The following EHD3 variants were observed in gnomAD, a reference collection of about 807,000 sequenced individuals.
EHD3 encodes the protein EH domain containing 3, also known as EH domain-containing protein 3.
EHD3 carries 17 observed loss-of-function variants against 43.0 expected under a neutral mutation model. The ratio of observed to expected loss-of-function variants is 0.40; its 90% CI spans 0.27 to 0.59. EHD3 has a LOEUF of 0.59. Among genes scored for constraint, EHD3 ranks in the 20% least tolerant of loss-of-function variants. EHD3 has a pLI of 0.49. For missense variants in EHD3, 594 were observed against 705.6 expected (o/e 0.84, Z 1.79); for synonymous variants, 313 against 289.5 (o/e 1.08, Z -0.82).
intron 1 of EHD3, among the ~76,000 whole-genome samples, chr2:31,243,436 C>T (rs1409749522): frequency 7.8e-5 from 7 of 90,244 alleles, no homozygotes; most frequent in African/African-American, 2.0e-4. Flanking sequence ...TTCTTTCTTT[C>T]TTTCTTTCTT....
chr2:31,234,461 G>A lies in EHD3; in HGVS notation c.-161G>A, dbSNP rs916402978. 41 of 736,078 alleles carry A rather than the reference G, an allele frequency of 5.6e-5. No homozygotes were observed. In the African/African-American group the frequency reaches 6.0e-4, roughly 11 times the overall value. 45.6% of individuals were successfully genotyped at this position (736,078 alleles called of 1,614,324 possible). A position where few individuals can be genotyped will look rare whatever the true frequency, so the allele number is the denominator to read the frequency against. On this transcript the variant is annotated 5_prime_UTR_variant, in exon 1 of 6. Coordinates refer to ENST00000322054, the MANE Select transcript of EHD3 (RefSeq NM_014600.3). ...CCAGGAGCAGGGAGAGTGCGCTCCC[G>A]GCCCTCCTAGCCGCGTGCCCGGGCC...
At chr2:31,261,452 A>T in intron 4 of EHD3, 97 bp from the exon 5 acceptor site, 1 of 1,388,242 alleles carries the variant, frequency 7.2e-7, no homozygotes, top group South Asian at 1.3e-5. Context: ...AGGAGGCGGG[A>T]GGGATGTAGG....
intron 2 of EHD3, among the ~76,000 whole-genome samples, chr2:31,248,211 C>T (rs1172463292): frequency 6.6e-6 from 1 of 152,228 alleles, no homozygotes; most frequent in Non-Finnish European, 1.5e-5. Context: ...GTCTGCTCCC[C>T]TTCCCTCGCT....
At chr2:31,251,893 T>A (rs748365744) in intron 3 of EHD3, among the ~76,000 whole-genome samples, 2 of 152,186 alleles carry the variant, frequency 1.3e-5, no homozygotes, top group Non-Finnish European at 2.9e-5. Context: ...AAGTGGTTCA[T>A]CTGGGGTTTA....
rs998324078 is a variant in EHD3, at chr2:31,234,348, C to A, written c.-274C>A. ...TTCCTTGCAGGTTCAACTTTAATTG[C>A]CAAGATTTCACCCCTCCTCCTCAAG... On this transcript the variant is annotated 5_prime_UTR_variant, in exon 1 of 6. Transcript: ENST00000322054. The A allele has an allele frequency of 2.1e-6, 1 of 467,452 alleles. No homozygotes were observed. Among genetic ancestry groups the A allele is most frequent in the South Asian group, 2.2e-5 (1 of 45,478 alleles). The allele number at this position is 467,452 out of a possible 1,614,324, so 29.0% of individuals were successfully genotyped here.
At chr2:31,246,277 T>A (rs772361553) in intron 2 of EHD3, among the ~76,000 whole-genome samples, 1 of 151,828 alleles carries the variant, frequency 6.6e-6, no homozygotes, top group Non-Finnish European at 1.5e-5. Flanking sequence ...GGGGGTGGGA[T>A]GAGCATGATT....
At chr2:31,255,538 C>G (rs1022541717) in intron 3 of EHD3, among the ~76,000 whole-genome samples, 1 of 152,192 alleles carries the variant, frequency 6.6e-6, no homozygotes, top group South Asian at 2.1e-4. Flanking sequence ...AATCCTATAC[C>G]ATACCCTTTT....
rs78499682 is a variant in EHD3 at position 31,254,626 on chromosome 2, T to A, written c.502+5158T>A. ...AAATGCCTTTAAATCTTGACGGAGA[T>A]TTTTTTGGGGAGGGATGGGGTTTTG... On this transcript the variant is annotated intron_variant, in intron 3 of 5. Coordinates refer to ENST00000322054, the MANE Select transcript of EHD3 (RefSeq NM_014600.3). 3.3e-3 allele frequency among the ~76,000 whole-genome samples: 503 copies of A among 152,318 alleles called. 15 individuals are homozygous for A. The East Asian group carries it at 0.051, about 15-fold the overall frequency.
rs575982595 is a variant in EHD3 at position 31,249,236 on chromosome 2, C to A, written c.405-135C>A. On this transcript the variant is annotated intron_variant, in intron 2 of 5. Transcript: ENST00000322054. ...GCTGTCAGCCACACCCTGAACTGGG[C>A]AAGTCCATGGTGAACTAAACCCTTC... The A allele has an allele frequency of 6.7e-6, 5 of 749,214 alleles. No individual in the cohort carries two copies. In the East Asian group the frequency reaches 1.4e-4, roughly 20 times the overall value. The allele number at this position is 749,214 out of a possible 1,614,324, so 46.4% of individuals were successfully genotyped here.
chr2:31,253,519 G>C (rs1209005586), intron 3 of EHD3, among the ~76,000 whole-genome samples: 1 of 152,208 alleles, frequency 6.6e-6, no homozygotes, highest in African/African-American at 2.4e-5. Context: ...GCGCAGGGCT[G>C]TGTCTCACCA....
Position 31,234,527 on chromosome 2 carries a change from C to G in EHD3, c.-95C>G. On this transcript the variant is annotated 5_prime_UTR_variant, in exon 1 of 6. Coordinates refer to ENST00000322054, the MANE Select transcript of EHD3 (RefSeq NM_014600.3). Reference sequence around the variant, plus strand: ...CCCGCGCTTGGGTGAGGCGGCGGCGCGGCTCGGAGCCCGGCGGACCGGTCC... The same window carrying G: ...CCCGCGCTTGGGTGAGGCGGCGGCGGGGCTCGGAGCCCGGCGGACCGGTCC... 7.0e-7 allele frequency: 1 copy of G among 1,424,052 alleles called. No homozygotes were observed. The highest frequency in any genetic ancestry group is 9.6e-7 in the Non-Finnish European group (1 of 1,045,580). The allele number at this position is 1,424,052 out of a possible 1,614,324, so 88.2% of individuals were successfully genotyped here.
chr2:31,243,710 T>A (rs1259697086), intron 1 of EHD3, among the ~76,000 whole-genome samples: 1 of 152,090 alleles, frequency 6.6e-6, no homozygotes, highest in East Asian at 1.9e-4. Context: ...CACCTTGGCC[T>A]CCCAAAGTGC....
intron 1 of EHD3, among the ~76,000 whole-genome samples, chr2:31,242,068 A>G (rs1683433595): frequency 6.6e-6 from 1 of 152,158 alleles, no homozygotes; most frequent in South Asian, 2.1e-4. Context: ...AGCTTCCTCC[A>G]GGGCTGGCTG....
chr2:31,244,526 G>T (rs888107482), intron 2 of EHD3, 76 bp downstream of exon 2: 23 of 1,512,816 alleles, frequency 1.5e-5, no homozygotes, highest in Non-Finnish European at 1.8e-5. Context: ...AGAACAGTAG[G>T]CAGGGTCTTG....
chr2:31,265,614 C>T (rs1683934322), intron 5 of EHD3, among the ~76,000 whole-genome samples: 1 of 152,132 alleles, frequency 6.6e-6, no homozygotes, highest in African/African-American at 2.4e-5. Context: ...GTTTTAGTAC[C>T]CTGTGCCCTG....
intron 1 of EHD3, among the ~76,000 whole-genome samples, chr2:31,237,721 T>C (rs1172428085): frequency 2.6e-5 from 4 of 152,254 alleles, no homozygotes; most frequent in East Asian, 3.8e-4. Context: ...TTCTTACTTA[T>C]AGCATGAACA....
Position 31,260,426 on chromosome 2 carries a change from T to G in EHD3, c.503-84T>G, listed in dbSNP as rs961398060. 2.9e-6 allele frequency: 4 copies of G among 1,392,170 alleles called. No homozygotes were observed. The highest frequency in any genetic ancestry group is 2.3e-5 in the Admixed American group (1 of 43,588). 86.2% of individuals were successfully genotyped at this position (1,392,170 alleles called of 1,614,324 possible). On this transcript the variant is annotated intron_variant, in intron 3 of 5. Coordinates refer to ENST00000322054, the MANE Select transcript of EHD3 (RefSeq NM_014600.3). This position sits in a 1 kb window ranked among gnomAD's most constrained non-coding sequence, Gnocchi z 4.6. ...TTAGATCTGACTCCCAAGACTGTGT[T>G]ATTTCTACCACACCCGACTGCTTCT...
chr2:31,244,707 C>G (rs2148717271), intron 2 of EHD3, among the ~76,000 whole-genome samples: 1 of 152,288 alleles, frequency 6.6e-6, no homozygotes, highest in East Asian at 1.9e-4. Flanking sequence ...TCACATTCCC[C>G]TACCCTGCAC....
chr2:31,241,478 G>T (rs1683422952), intron 1 of EHD3, among the ~76,000 whole-genome samples: 1 of 152,172 alleles, frequency 6.6e-6, no homozygotes, highest in Non-Finnish European at 1.5e-5. Flanking sequence ...TAAGGTACTG[G>T]TTAAATGCTT....
Sources: gnomAD v4.1 joint callset for allele counts (sites outside exome capture counted in the v4.1 genomes callset) on GRCh38, gnomAD v4.1.1 for gene constraint, Gnocchi (gnomAD v3.1) non-coding constraint, MANE v1.5 for transcripts, NCBI Gene and HGNC (gene_info 2026-07-23, HGNC 2026-07-21) for gene names.